Variants in MNAT1 observed in about 807,000 individuals in gnomAD.
MNAT1 encodes the protein MNAT1 component of CDK activating kinase.
Under a neutral mutation model 42.0 loss-of-function variants are expected in MNAT1, and 43 were observed. The observed-to-expected ratio is 1.02, with a 90% confidence interval of 0.80 to 1.32. The LOEUF (loss-of-function observed/expected upper bound fraction) is 1.32, where lower values mean the gene tolerates loss of function less well. Ranked by LOEUF, MNAT1 falls within the 40% of genes most tolerant of loss-of-function variation. MNAT1 has a pLI of 0.00. For synonymous variants in MNAT1, 118 were observed against 120.0 expected, an observed-to-expected ratio of 0.98 and a Z score of 0.11; for missense variants, 306 against 350.4, an observed-to-expected ratio of 0.87 and a Z score of 1.01.
intron 7 of MNAT1, among the ~76,000 whole-genome samples, chr14:60,898,446 A>G (rs1310919645): frequency 6.6e-6 from 1 of 152,058 alleles, no homozygotes; most frequent in African/African-American, 2.4e-5. Flanking sequence ...CTTTTTAATA[A>G]TAGCCCTGCT....
intron 1 of MNAT1, among the ~76,000 whole-genome samples, chr14:60,785,754 A>G (rs1271832386): frequency 6.6e-6 from 1 of 152,316 alleles, no homozygotes; most frequent in Non-Finnish European, 1.5e-5. Flanking sequence ...TCTTGTACTC[A>G]TCAAACATTT....
intron 6 of MNAT1, among the ~76,000 whole-genome samples, chr14:60,822,831 C>A (rs958015): frequency 0.99 from 151,320 of 152,234 alleles, 75,218 homozygotes; most frequent in East Asian, 1. Context: ...ATCTGGACTC[C>A]CTGCAACCTC....
intron 6 of MNAT1, among the ~76,000 whole-genome samples, chr14:60,840,935 G>T (rs976879057): frequency 4.6e-5 from 7 of 152,262 alleles, no homozygotes; most frequent in African/African-American, 1.7e-4. Flanking sequence ...AAGGTGCTGG[G>T]ATTACAGGCA....
chr14:60,945,937 T>C (rs895067264), intron 7 of MNAT1, among the ~76,000 whole-genome samples: 10 of 152,178 alleles, frequency 6.6e-5, no homozygotes, highest in Admixed American at 5.9e-4. Context: ...AGAAAACGTA[T>C]GTATGAATAC....
In MNAT1 at chr14:60,808,512, A is replaced by G. The variant is rs372421500; in HGVS notation, c.420+84A>G. 8 of 807,530 alleles carry G rather than the reference A, an allele frequency of 9.9e-6. No individual in the cohort carries two copies. In the East Asian group the frequency reaches 2.3e-4, roughly 23 times the overall value. The allele number at this position is 807,530 out of a possible 1,614,324, so 50.0% of individuals were successfully genotyped here. A position where few individuals can be genotyped will look rare whatever the true frequency, so the allele number is the denominator to read the frequency against. ...ACTTTAAAAAGCCATCTTCCTTTAA[A>G]CCAGTTACATTTATAGAAAATTTAG... On this transcript the variant is annotated intron_variant, in intron 4 of 7. Transcript: ENST00000261245.
intron 6 of MNAT1, among the ~76,000 whole-genome samples, chr14:60,869,913 C>T (rs2034292478): frequency 2.0e-5 from 3 of 152,088 alleles, no homozygotes; most frequent in African/African-American, 7.2e-5. Flanking sequence ...ACAAAAGATA[C>T]TCTGCTCTTT....
At chr14:60,755,001 C>T (rs1234756178) in intron 1 of MNAT1, among the ~76,000 whole-genome samples, 5 of 151,836 alleles carry the variant, frequency 3.3e-5, no homozygotes, top group Non-Finnish European at 5.9e-5. Context: ...TTTGTATATA[C>T]GTATTTTTTT....
chr14:60,849,389 A>G (rs1397561848), intron 6 of MNAT1, among the ~76,000 whole-genome samples: 4 of 152,234 alleles, frequency 2.6e-5, no homozygotes, highest in African/African-American at 9.6e-5. Context: ...TAAATGATAG[A>G]TATTCAAAAT....
At chr14:60,742,962 T>C (rs1210693107) in intron 1 of MNAT1, among the ~76,000 whole-genome samples, 2 of 152,256 alleles carry the variant, frequency 1.3e-5, no homozygotes, top group African/African-American at 2.4e-5. Context: ...AACATTCATG[T>C]ACAAGTTTTC....
intron 6 of MNAT1, among the ~76,000 whole-genome samples, chr14:60,874,459 T>G (rs1269071964): frequency 6.6e-6 from 1 of 152,150 alleles, no homozygotes; most frequent in Non-Finnish European, 1.5e-5. Context: ...TGTTTCATTC[T>G]TCCATCTTTT....
intron 3 of MNAT1, chr14:60,799,437 C>T (rs2032130616): frequency 1.0e-6 from 1 of 976,616 alleles, no homozygotes; most frequent in South Asian, 4.7e-5. Flanking sequence ...ATAGGACAAG[C>T]TGTTGGATAG....
chr14:60,767,224 A>G (rs2030862601), intron 1 of MNAT1, among the ~76,000 whole-genome samples: 2 of 152,226 alleles, frequency 1.3e-5, no homozygotes, highest in Admixed American at 6.5e-5. Context: ...TTCAATGGTA[A>G]TATGTACAAG....
chr14:60,923,753 C>A (rs1310240662), intron 7 of MNAT1, among the ~76,000 whole-genome samples: 1 of 151,890 alleles, frequency 6.6e-6, no homozygotes, highest in Non-Finnish European at 1.5e-5. Context: ...CTGAGGCAGG[C>A]GGATTACTTG....
intron 7 of MNAT1, among the ~76,000 whole-genome samples, chr14:60,883,118 C>T (rs1400590705): frequency 6.6e-6 from 1 of 152,008 alleles, no homozygotes; most frequent in African/African-American, 2.4e-5. Flanking sequence ...CTTTAGTTGC[C>T]TGTGCTTGTG....
intron 1 of MNAT1, among the ~76,000 whole-genome samples, chr14:60,789,229 A>G (rs976455558): frequency 5.9e-5 from 9 of 152,258 alleles, no homozygotes; most frequent in African/African-American, 2.2e-4. Flanking sequence ...CAGTTGGTGA[A>G]GCAGTTGGAG....
At chr14:60,834,904 C>G (rs976812132) in intron 6 of MNAT1, among the ~76,000 whole-genome samples, 1 of 150,472 alleles carries the variant, frequency 6.6e-6, no homozygotes, top group African/African-American at 2.5e-5. Context: ...TGCATTGATC[C>G]CTTTACCATT....
At chr14:60,774,879 T>C (rs2031193050) in intron 1 of MNAT1, among the ~76,000 whole-genome samples, 1 of 152,154 alleles carries the variant, frequency 6.6e-6, no homozygotes, top group African/African-American at 2.4e-5. Context: ...AATCAAGTAT[T>C]CTGCTTTGGA....
intron 1 of MNAT1, among the ~76,000 whole-genome samples, chr14:60,760,792 A>G (rs1264286571): frequency 6.6e-6 from 1 of 152,234 alleles, no homozygotes; most frequent in Non-Finnish European, 1.5e-5. Context: ...TAGAAAGTAC[A>G]TTGTGCCCTC....
rs148660798 is a variant in MNAT1 at position 60,877,307 on chromosome 14, G to C, written c.688-2407G>C. Among the ~76,000 whole-genome samples the C allele has an allele frequency of 1.6e-3, 245 of 152,108 alleles. 1 individual carries two copies. The highest frequency in any genetic ancestry group is 0.01 in the Middle Eastern group (3 of 294). ...GGTGAAGTACTTTTGACATTACAGT[G>C]TCAGAGGTGCCTATTACAACGTGCC... On this transcript the variant is annotated intron_variant, in intron 6 of 7. Coordinates refer to ENST00000261245, the MANE Select transcript of MNAT1 (RefSeq NM_002431.4).
Sources: allele counts gnomAD v4.1 joint callset (sites outside exome capture counted in the v4.1 genomes callset), GRCh38; gene constraint gnomAD v4.1.1; transcripts MANE v1.5; gene names NCBI Gene and HGNC (gene_info 2026-07-23, HGNC 2026-07-21).